Variants in CRYBB3 observed in about 807,000 individuals in gnomAD.
CRYBB3 encodes the protein crystallin beta B3.
In CRYBB3, 35 loss-of-function variants were observed where a neutral mutation model predicts 28.3. The observed-to-expected ratio is 1.24, with a 90% confidence interval of 0.95 to 1.64. CRYBB3 has a LOEUF of 1.64. CRYBB3 is among the 40% of genes most tolerant of loss of function. The pLI, the probability that CRYBB3 is intolerant of heterozygous loss-of-function variation, is 0.00. For synonymous variants in CRYBB3, 106 were observed against 110.4 expected (o/e 0.96, Z 0.25); for missense variants, 296 against 297.4 (o/e 1.00, Z 0.04).
In CRYBB3 at chr22:25,206,813, C is replaced by T. The variant is rs577413681; in HGVS notation, c.471-234C>T. ...AAAGGCCCCCCAACACAGCAGGTTC[C>T]GGGAAAGTAGAATAAGAGAGGCCAC... On this transcript the variant is annotated intron_variant, in intron 5 of 5. Transcript: ENST00000215855. Among the ~76,000 whole-genome samples, 5 of 152,114 alleles carry T rather than the reference C, an allele frequency of 3.3e-5. No individual in the cohort carries two copies. The South Asian group carries it at 8.3e-4, about 25-fold the overall frequency.
In CRYBB3 at chr22:25,201,470, A is replaced by G. The variant is rs749992336; in HGVS notation, c.74A>G (p.Lys25Arg). Residue 25 changes from lysine to arginine, a missense_variant and splice_region_variant, in exon 2 of 6, where the codon AAG (lysine) becomes AGG (arginine). By Grantham distance (26) the Lys-to-Arg change is conservative (BLOSUM62 2). Coordinates refer to ENST00000215855, the MANE Select transcript of CRYBB3 (RefSeq NM_004076.5). ...CATGGAGACCTTGGGGGCAGCTACA[A>G]GGTACTGGGCAGGGAGGGGGTCAGA... ...KSHGDLGGSY[K>R]VILYELENFQ... is the part of the protein sequence containing the mutation. The G allele has an allele frequency of 6.2e-7, 1 of 1,612,496 alleles. No homozygotes were observed. The highest frequency in any genetic ancestry group is 1.3e-5 in the African/African-American group (1 of 74,860).
chr22:25,200,949 T>C (rs1934936046), intron 1 of CRYBB3, among the ~76,000 whole-genome samples: 2 of 152,152 alleles, frequency 1.3e-5, no homozygotes, highest in South Asian at 4.1e-4. Flanking sequence ...AGTACGGAGG[T>C]GGGAGAGACC....
chr22:25,205,288 GGAT>G lies in CRYBB3; in HGVS notation c.402_404del (p.Asp135del). 6.2e-7 allele frequency: 1 copy of G among 1,614,090 alleles called. No individual in the cohort carries two copies. Among genetic ancestry groups the G allele is most frequent in the South Asian group, 1.1e-5 (1 of 91,062 alleles). On this transcript the variant is annotated inframe_deletion, in exon 5 of 6. Transcript: ENST00000215855. ...TCAGTGGCCGCAAGATGGAGATAGT[GGAT>G]GATGACGTGCCCAGCCTGTGGGCTC...
At chr22:25,206,988 G>A (rs1396937437) in intron 5 of CRYBB3, 59 bp from the exon 6 acceptor site, 2 of 1,324,774 alleles carry the variant, frequency 1.5e-6, no homozygotes, top group Admixed American at 3.4e-5. Context: ...TCAGATGCTG[G>A]CTGGAGGCAG....
intron 2 of CRYBB3, 32 bp from the exon 3 acceptor site, chr22:25,202,642 G>A: frequency 1.9e-6 from 3 of 1,612,914 alleles, no homozygotes; most frequent in Non-Finnish European, 2.5e-6. Flanking sequence ...GAGCCTAGCA[G>A]AGGTGGGATG....
intron 5 of CRYBB3, among the ~76,000 whole-genome samples, chr22:25,205,611 G>C (rs1033649981): frequency 1.7e-4 from 26 of 151,724 alleles, no homozygotes; most frequent in Admixed American, 5.9e-4. Context: ...AGGCGCCCAC[G>C]ACCACGCCCG....
At position 25,205,321 on chromosome 22, in the gene CRYBB3, C is replaced by T. The variant is rs1361367196; in HGVS notation, c.429C>T (p.Gly143=). 1 of 1,614,154 alleles carries T rather than the reference C, an allele frequency of 6.2e-7. No individual in the cohort carries two copies. Among genetic ancestry groups the T allele is most frequent in the Non-Finnish European group, 8.5e-7 (1 of 1,180,034 alleles). The change falls in exon 5 of 6, where the codon GGC becomes GGT. Residue 143 remains glycine, a synonymous_variant. Transcript: ENST00000215855. ...ACGTGCCCAGCCTGTGGGCTCATGG[C>T]TTCCAGGACCGTGTGGCGAGTGTCC... is the stretch of plus-strand genomic sequence containing the variant. ...DDDVPSLWAH[G]FQDRVASVRA...
rs1569007217 is a variant in CRYBB3, at chr22:25,201,383, G to GTGTT, written c.-13_-10dup. 2 of 1,612,988 alleles carry GTGTT rather than the reference G, an allele frequency of 1.2e-6. No homozygotes were observed. The highest frequency in any genetic ancestry group is 2.7e-5 in the African/African-American group (2 of 74,900). ...ATTTTCTTTTGGTTTGAAGCCAGAGGTGTTCCTGGGGAGATGGCGGAACAG... is the reference window on the plus strand; with the variant it reads ...ATTTTCTTTTGGTTTGAAGCCAGAGGTGTTTGTTCCTGGGGAGATGGCGGAACAG... On this transcript the variant is annotated 5_prime_UTR_variant, in exon 2 of 6. Transcript: ENST00000215855.
At chr22:25,202,000 G>A (rs987936623) in intron 2 of CRYBB3, among the ~76,000 whole-genome samples, 3 of 152,184 alleles carry the variant, frequency 2.0e-5, no homozygotes, top group South Asian at 4.1e-4. Flanking sequence ...CCATCTCCGG[G>A]GTCTTTTTGG....
chr22:25,203,681 C>T, intron 3 of CRYBB3, 82 bp from the exon 4 acceptor site: 2 of 1,522,330 alleles, frequency 1.3e-6, no homozygotes, highest in Admixed American at 3.3e-5. Context: ...AGGTCAGCAG[C>T]TCTTGGACAC....
At chr22:25,206,167 A>G (rs557419200) in intron 5 of CRYBB3, among the ~76,000 whole-genome samples, 1 of 152,216 alleles carries the variant, frequency 6.6e-6, no homozygotes, top group Admixed American at 6.5e-5. Flanking sequence ...CCTGATAATA[A>G]TTTATTCAAC....
chr22:25,201,799 G>A (rs2146072355), intron 2 of CRYBB3, among the ~76,000 whole-genome samples: 1 of 152,232 alleles, frequency 6.6e-6, no homozygotes, highest in Admixed American at 6.5e-5. Context: ...TGCCCACTCT[G>A]GGGAAAAGGG....
chr22:25,203,675 C>T, intron 3 of CRYBB3, 88 bp from the exon 4 acceptor site: 1 of 1,484,978 alleles, frequency 6.7e-7, no homozygotes, highest in South Asian at 1.1e-5. Flanking sequence ...GGTTCAAGGT[C>T]AGCAGCTCTT....
At chr22:25,205,754 C>T (rs957301135) in intron 5 of CRYBB3, among the ~76,000 whole-genome samples, 2 of 152,166 alleles carry the variant, frequency 1.3e-5, no homozygotes, top group African/African-American at 2.4e-5. Context: ...CCACGGCGCC[C>T]GGCCATCGGT....
Position 25,203,803 on chromosome 22 carries a change from T to A in CRYBB3, c.235T>A (p.Phe79Ile), listed in dbSNP as rs200457939. 6.7e-5 allele frequency: 108 copies of A among 1,614,134 alleles called. No individual in the cohort carries two copies. The highest frequency in any genetic ancestry group is 6.6e-4 in the Middle Eastern group (4 of 6,062). ...FESRAFRGEQ[F>I]VLEKGDYPRW... The stretch of plus-strand genomic sequence containing the variant: ...GTCCAGGGCCTTCCGCGGGGAGCAG[T>A]TTGTTCTGGAGAAGGGGGATTATCC... The change falls in exon 4 of 6, where the codon TTT becomes ATT. Residue 79 changes from phenylalanine to isoleucine, a missense_variant. Phe to Ile is a conservative substitution (Grantham distance 21). Coordinates refer to ENST00000215855, the MANE Select transcript of CRYBB3 (RefSeq NM_004076.5).
intron 5 of CRYBB3, among the ~76,000 whole-genome samples, chr22:25,206,827 AAG>A (rs1935043753): frequency 6.6e-6 from 1 of 152,184 alleles, no homozygotes; most frequent in African/African-American, 2.4e-5. Flanking sequence ...AAAGTAGAAT[AAG>A]AGAGGCCACG....
At chr22:25,204,898 CT>C (rs1260813998) in intron 4 of CRYBB3, among the ~76,000 whole-genome samples, 1 of 152,184 alleles carries the variant, frequency 6.6e-6, no homozygotes, top group Non-Finnish European at 1.5e-5. Flanking sequence ...TATGTTGATA[CT>C]TTTGATCTCT....
intron 4 of CRYBB3, among the ~76,000 whole-genome samples, chr22:25,204,146 T>C (rs937503457): frequency 6.6e-6 from 1 of 152,240 alleles, no homozygotes; most frequent in Non-Finnish European, 1.5e-5. Context: ...GGGACTTTTC[T>C]TTGTAACCGT....
Position 25,201,420 on chromosome 22 carries a change from C to T in CRYBB3, c.24C>T (p.Pro8=), listed in dbSNP as rs748483757. Residue 8 remains proline, a synonymous_variant, in exon 2 of 6, where the codon CCC becomes CCT. Coordinates refer to ENST00000215855, the MANE Select transcript of CRYBB3 (RefSeq NM_004076.5). MAEQHGA[P]EQAAAGKSHG... ...AGATGGCGGAACAGCACGGAGCACC[C>T]GAACAGGCTGCAGCTGGCAAGAGCC... The T allele has an allele frequency of 3.0e-5, 49 of 1,613,228 alleles. No individual in the cohort carries two copies. The highest frequency in any genetic ancestry group is 4.5e-5 in the East Asian group (2 of 44,844).
Sources: gnomAD v4.1 joint callset for allele counts (sites outside exome capture counted in the v4.1 genomes callset) on GRCh38, gnomAD v4.1.1 for gene constraint, MANE v1.5 for transcripts, NCBI Gene and HGNC (gene_info 2026-07-23, HGNC 2026-07-21) for gene names.